SHISA9: variants seen among roughly 807,000 people sequenced by gnomAD.
SHISA9 encodes the protein protein shisa-9.
A neutral mutation model predicts 38.0 loss-of-function variants in SHISA9; 13 were observed. The observed-to-expected ratio is 0.34, with a 90% CI of 0.22 to 0.54. The LOEUF (loss-of-function observed/expected upper bound fraction) is 0.54, where lower values mean the gene tolerates loss of function less well. Ranked by LOEUF, SHISA9 falls within the 20% of genes least tolerant of loss-of-function variation. The pLI, the probability that SHISA9 is intolerant of heterozygous loss-of-function variation, is 0.91. For synonymous variants in SHISA9, 275 were observed against 242.0 expected, an observed-to-expected ratio of 1.14 and a Z score of -1.27; for missense variants, 538 against 575.8, an observed-to-expected ratio of 0.93 and a Z score of 0.67.
the SHISA9 span, among the ~76,000 whole-genome samples, chr16:13,420,671 C>T: frequency 6.6e-6 from 1 of 152,090 alleles, no homozygotes; most frequent in East Asian, 1.9e-4. Flanking sequence ...GCTGAGGCAG[C>T]CTGATTAATG....
chr16:12,974,506 T>TTTTTTTTTTTTTTC (rs2072129641), intron 2 of SHISA9, among the ~76,000 whole-genome samples: 1 of 105,586 alleles, frequency 9.5e-6, no homozygotes, highest in African/African-American at 3.4e-5. Context: ...TTTTTTTTTT[T>TTTTTTTTTTTTTTC]CCGGAGTTTC....
chr16:13,469,320 G>GAGAGAAAGAAAGAAAGAAAGAA, the SHISA9 span, among the ~76,000 whole-genome samples: 26 of 61,608 alleles, frequency 4.2e-4, no homozygotes, highest in South Asian at 1.1e-3. Context: ...GAGAGAGAGA[G>GAGAGAAAGAAAGAAAGAAAGAA]AGAAAGAAAG....
At chr16:12,992,531 C>G (rs1567175084) in intron 2 of SHISA9, among the ~76,000 whole-genome samples, 1 of 151,460 alleles carries the variant, frequency 6.6e-6, no homozygotes, top group Non-Finnish European at 1.5e-5. Context: ...GACTCTGTCT[C>G]AAAACAAAAA....
chr16:12,987,201 C>G (rs1417083903), intron 2 of SHISA9, among the ~76,000 whole-genome samples: 5 of 152,166 alleles, frequency 3.3e-5, no homozygotes, highest in Non-Finnish European at 7.3e-5. Context: ...GTCCGTAGAT[C>G]TATACCAAGT....
At chr16:13,116,683 T>C (rs1046687668) in intron 2 of SHISA9, among the ~76,000 whole-genome samples, 40 of 152,208 alleles carry the variant, frequency 2.6e-4, no homozygotes, top group African/African-American at 8.9e-4. Context: ...CAGGTAGTCC[T>C]GGGTTCCAAT....
chr16:13,317,998 G>T, the SHISA9 span, among the ~76,000 whole-genome samples: 6 of 146,674 alleles, frequency 4.1e-5, no homozygotes, highest in Non-Finnish European at 3.0e-5. Flanking sequence ...CAAATGCCTT[G>T]TTTTTTTTTT....
At chr16:13,261,347 T>C in the SHISA9 span, among the ~76,000 whole-genome samples, 1 of 152,134 alleles carries the variant, frequency 6.6e-6, no homozygotes, top group South Asian at 2.1e-4. Context: ...GTGGTTGTAG[T>C]GGTGGTGATG....
downstream of SHISA9, among the ~76,000 whole-genome samples, chr16:13,245,330 C>A (rs1323397055): frequency 2.0e-5 from 3 of 152,122 alleles, no homozygotes; most frequent in Non-Finnish European, 4.4e-5. Context: ...TGAATTCTAC[C>A]CACAAATCCC....
intron 2 of SHISA9, among the ~76,000 whole-genome samples, chr16:13,186,542 C>T (rs537133129): frequency 3.3e-5 from 5 of 152,110 alleles, no homozygotes; most frequent in African/African-American, 7.2e-5. Flanking sequence ...GTGATACACC[C>T]GCCTCTGCCT....
At chr16:13,523,537 AG>A in the SHISA9 span, among the ~76,000 whole-genome samples, 1 of 152,130 alleles carries the variant, frequency 6.6e-6, no homozygotes, top group Non-Finnish European at 1.5e-5. Context: ...GCTTCTGGGG[AG>A]GCCTCAGGAA....
chr16:12,959,900 G>C (rs975844196), intron 2 of SHISA9, among the ~76,000 whole-genome samples: 10 of 152,302 alleles, frequency 6.6e-5, no homozygotes, highest in African/African-American at 2.4e-4. Flanking sequence ...GAATTGAAAT[G>C]CTTTTTAAAA....
chr16:13,121,087 A>C (rs375468327), intron 2 of SHISA9, among the ~76,000 whole-genome samples: 6 of 152,192 alleles, frequency 3.9e-5, no homozygotes, highest in African/African-American at 1.4e-4. Context: ...TGAGCCCAGG[A>C]AGGTGAGGCT....
At chr16:13,350,559 T>C in the SHISA9 span, 1 of 152,212 alleles carries the variant, frequency 6.6e-6, no homozygotes, top group Admixed American at 6.5e-5. Flanking sequence ...TGAGTTGAGA[T>C]TGCTTCCTGT....
At chr16:13,413,289 T>C in the SHISA9 span, among the ~76,000 whole-genome samples, 13 of 152,328 alleles carry the variant, frequency 8.5e-5, 1 homozygote, top group South Asian at 1.5e-3. Flanking sequence ...TAACCTTCTG[T>C]AAGTCATTCG....
chr16:13,393,985 G>A, the SHISA9 span, among the ~76,000 whole-genome samples: 1,031 of 152,268 alleles, frequency 6.8e-3, 8 homozygotes, highest in African/African-American at 0.021. Context: ...TCTACGTCAC[G>A]TCCCACTGTG....
chr16:13,190,993 T>G (rs2050879784), intron 2 of SHISA9, among the ~76,000 whole-genome samples: 1 of 152,188 alleles, frequency 6.6e-6, no homozygotes, highest in Non-Finnish European at 1.5e-5. Flanking sequence ...ACATAAACCT[T>G]TTCTGATGTA....
intron 2 of SHISA9, among the ~76,000 whole-genome samples, chr16:13,052,540 T>A (rs538875958): frequency 6.6e-6 from 1 of 152,142 alleles, no homozygotes; most frequent in South Asian, 2.1e-4. Context: ...CCAATTACAC[T>A]GAAATAATTG....
the SHISA9 span, among the ~76,000 whole-genome samples, chr16:13,309,426 C>T: frequency 8.6e-5 from 13 of 151,842 alleles, no homozygotes; most frequent in African/African-American, 2.7e-4. Context: ...GTAGATCACC[C>T]GAGGTCAGAA....
At chr16:12,910,628 A>G in intron 1 of SHISA9, 1 of 985,488 alleles carries the variant, frequency 1.0e-6, no homozygotes, top group Non-Finnish European at 1.2e-6. Context: ...TTATGTTTCA[A>G]CATAATTGTT....
Sources: gnomAD v4.1 joint callset for allele counts (sites outside exome capture counted in the v4.1 genomes callset) on GRCh38, gnomAD v4.1.1 for gene constraint, MANE v1.5 for transcripts, NCBI Gene and HGNC (gene_info 2026-07-23, HGNC 2026-07-21) for gene names.